TBC1D12: variants seen among roughly 807,000 people sequenced by gnomAD.
TBC1D12 encodes TBC1 domain family member 12.
TBC1D12 carries 56 observed loss-of-function variants against 86.7 expected under a neutral mutation model. The ratio of observed to expected loss-of-function variants is 0.65; its 90% CI spans 0.52 to 0.81. TBC1D12 has a LOEUF of 0.81. TBC1D12 is among the 30% of genes least tolerant of loss of function. The probability of loss-of-function intolerance (pLI) is 0.00; values close to 1 mark genes in which losing one functional copy is unlikely to be tolerated. For synonymous variants in TBC1D12, 421 were observed against 411.7 expected (o/e 1.02, Z -0.27); for missense variants, 1,023 against 1,038.8 (o/e 0.98, Z 0.21).
In TBC1D12 at chr10:94,411,730, G is replaced by T. The variant is rs190207264; in HGVS notation, c.971+8146G>T. Among the ~76,000 whole-genome samples, 29 of 152,246 alleles carry T rather than the reference G, an allele frequency of 1.9e-4. 1 individual carries two copies. The South Asian group carries it at 2.3e-3, about 12-fold the overall frequency. ...CATGCCTGCATTCGGAGCCCAAGGT[G>T]GGGGGACTGCTTCAGCCAAGGAGTT... On this transcript the variant is annotated intron_variant, in intron 1 of 12. Transcript: ENST00000225235.
Position 94,511,591 on chromosome 10 carries a change from A to G in TBC1D12, c.1698A>G (p.Pro566=), listed in dbSNP as rs746402926. ...PSLYIFQKGG[P]YHDVLHSILG... is the part of the protein sequence containing the mutation. ...CATTTTTCTCTCCTAAGGGTGGTCCATATCATGATGTCTTGCATAGTATTT... is the reference window on the plus strand; with the variant it reads ...CATTTTTCTCTCCTAAGGGTGGTCCGTATCATGATGTCTTGCATAGTATTT... The change falls in exon 9 of 13, where the codon CCA becomes CCG. Residue 566 remains proline (P), a synonymous_variant. Coordinates refer to ENST00000225235, the MANE Select transcript of TBC1D12 (RefSeq NM_015188.2). 2.5e-6 allele frequency: 4 copies of G among 1,610,030 alleles called. No homozygotes were observed. The highest frequency in any genetic ancestry group is 3.4e-6 in the Non-Finnish European group (4 of 1,176,840).
At chr10:94,514,521 G>C (rs1386546395) in intron 9 of TBC1D12, among the ~76,000 whole-genome samples, 1 of 152,084 alleles carries the variant, frequency 6.6e-6, no homozygotes, top group Non-Finnish European at 1.5e-5. Flanking sequence ...TGCAATATTT[G>C]CTTTTCTGTT....
At chr10:94,529,088 G>A (rs1037380304) in intron 11 of TBC1D12, among the ~76,000 whole-genome samples, 4 of 151,766 alleles carry the variant, frequency 2.6e-5, no homozygotes, top group Admixed American at 1.3e-4. Context: ...ACAGCTCACT[G>A]CAGCCTCAAA....
intron 1 of TBC1D12, among the ~76,000 whole-genome samples, chr10:94,437,584 C>T (rs2055321100): frequency 6.6e-6 from 1 of 152,124 alleles, no homozygotes; most frequent in Admixed American, 6.5e-5. Flanking sequence ...CCTTGGCCTC[C>T]CAAAGTGAGT....
intron 5 of TBC1D12, among the ~76,000 whole-genome samples, chr10:94,498,985 G>T (rs2056359797): frequency 6.6e-6 from 1 of 152,038 alleles, no homozygotes; most frequent in East Asian, 1.9e-4. Context: ...TGCCCAGGCT[G>T]GTCTCGAACT....
At chr10:94,501,773 C>A (rs530666775) in intron 6 of TBC1D12, among the ~76,000 whole-genome samples, 1 of 151,928 alleles carries the variant, frequency 6.6e-6, no homozygotes, top group South Asian at 2.1e-4. Flanking sequence ...GTCTCAAACT[C>A]CTGGCCTCAA....
chr10:94,530,214 A>G (rs74150809), intron 11 of TBC1D12, among the ~76,000 whole-genome samples: 3,336 of 152,294 alleles, frequency 0.022, 124 homozygotes, highest in African/African-American at 0.074. Context: ...CAAGTCCTGT[A>G]ATACTTACTC....
chr10:94,473,139 G>A (rs2055933173), intron 2 of TBC1D12, among the ~76,000 whole-genome samples: 1 of 151,798 alleles, frequency 6.6e-6, no homozygotes, highest in African/African-American at 2.4e-5. Flanking sequence ...CGGGTCACAA[G>A]TTCAGGAGTT....
intron 4 of TBC1D12, among the ~76,000 whole-genome samples, chr10:94,495,287 G>C (rs2056300549): frequency 6.6e-6 from 1 of 152,146 alleles, no homozygotes; most frequent in Non-Finnish European, 1.5e-5. Flanking sequence ...GCCACCCAAA[G>C]TGCTGGAATT....
chr10:94,475,599 T>C (rs1337015375), intron 3 of TBC1D12, among the ~76,000 whole-genome samples: 2 of 151,890 alleles, frequency 1.3e-5, no homozygotes, highest in Non-Finnish European at 2.9e-5. Flanking sequence ...CCTGGCTAAT[T>C]TTTTGTGTGC....
At chr10:94,532,193 T>C (rs896852877) in intron 12 of TBC1D12, among the ~76,000 whole-genome samples, 1 of 141,194 alleles carries the variant, frequency 7.1e-6, no homozygotes, top group Non-Finnish European at 1.6e-5. Context: ...TTTATTTTAT[T>C]TTGAGACGGA....
At chr10:94,521,238 C>CAAAAAAAAAAAAAAAAAAA (rs398038539) in intron 9 of TBC1D12, among the ~76,000 whole-genome samples, 6 of 122,768 alleles carry the variant, frequency 4.9e-5, no homozygotes, top group African/African-American at 1.5e-4. Flanking sequence ...AAAAAAAAAA[C>CAAAAAAAAAAAAAAAAAAA]AAAAAAAAAA....
chr10:94,405,099 TTTCTTC>T (rs780701773), intron 1 of TBC1D12, among the ~76,000 whole-genome samples: 1 of 151,298 alleles, frequency 6.6e-6, no homozygotes, highest in Admixed American at 6.6e-5. Context: ...GACACGCCTT[TTTCTTC>T]TTCTTCTTCT....
chr10:94,527,912 A>G (rs1440880137), intron 11 of TBC1D12, among the ~76,000 whole-genome samples: 4 of 151,954 alleles, frequency 2.6e-5, no homozygotes, highest in Non-Finnish European at 4.4e-5. Flanking sequence ...TGGGTTCTCT[A>G]TTCTGTGCCA....
intron 1 of TBC1D12, among the ~76,000 whole-genome samples, chr10:94,426,273 A>G (rs1309968661): frequency 6.6e-6 from 1 of 152,202 alleles, no homozygotes; most frequent in Non-Finnish European, 1.5e-5. Context: ...ACCATCATTA[A>G]GTATGATGTT....
intron 3 of TBC1D12, among the ~76,000 whole-genome samples, chr10:94,475,494 G>A (rs182075291): frequency 4.9e-4 from 74 of 151,850 alleles, no homozygotes; most frequent in African/African-American, 1.7e-3. Context: ...GTAATGGTGC[G>A]ATCTCAGCTC....
intron 1 of TBC1D12, among the ~76,000 whole-genome samples, chr10:94,437,078 G>A (rs1235567191): frequency 6.6e-6 from 1 of 151,014 alleles, no homozygotes; most frequent in Non-Finnish European, 1.5e-5. Flanking sequence ...TTTCCTTTCT[G>A]ACCTTTAAAT....
chr10:94,428,830 C>T (rs1448897724), intron 1 of TBC1D12, among the ~76,000 whole-genome samples: 3 of 151,924 alleles, frequency 2.0e-5, no homozygotes, highest in Non-Finnish European at 4.4e-5. Flanking sequence ...CCGCTTCAGC[C>T]TTCTGAGTAG....
intron 11 of TBC1D12, among the ~76,000 whole-genome samples, chr10:94,527,154 G>A (rs776648601): frequency 2.7e-5 from 4 of 150,402 alleles, no homozygotes; most frequent in Non-Finnish European, 4.4e-5. Context: ...GTGCAGTGGC[G>A]TGATCTTGGC....
Sources: gnomAD v4.1 joint callset for allele counts (sites outside exome capture counted in the v4.1 genomes callset) on GRCh38, gnomAD v4.1.1 for gene constraint, MANE v1.5 for transcripts, NCBI Gene and HGNC (gene_info 2026-07-23, HGNC 2026-07-21) for gene names.